PPP1R1C: variants seen among roughly 807,000 people sequenced by gnomAD.
The protein encoded by PPP1R1C is protein phosphatase 1 regulatory inhibitor subunit 1C.
PPP1R1C carries 15 observed loss-of-function variants against 17.4 expected under a neutral mutation model. That is an observed-to-expected ratio of 0.86 (90% CI 0.58 to 1.33). PPP1R1C has a LOEUF of 1.33. Among genes scored for constraint, PPP1R1C ranks in the 40% most tolerant of loss-of-function variants. The probability of loss-of-function intolerance (pLI) is 0.00; values close to 1 mark genes in which losing one functional copy is unlikely to be tolerated. For missense variants in PPP1R1C, 143 were observed against 130.0 expected, an observed-to-expected ratio of 1.10 and a Z score of -0.48; for synonymous variants, 35 against 43.1, an observed-to-expected ratio of 0.81 and a Z score of 0.73.
chr2:182,104,807 G>A (rs1326751508), intron 4 of PPP1R1C, among the ~76,000 whole-genome samples: 1 of 152,180 alleles, frequency 6.6e-6, no homozygotes. Flanking sequence ...CTCATCTTCA[G>A]TATTTTGGAA....
intron 2 of PPP1R1C, among the ~76,000 whole-genome samples, chr2:181,997,287 A>G (rs992582957): frequency 1.3e-5 from 2 of 151,970 alleles, no homozygotes; most frequent in African/African-American, 2.4e-5. Context: ...GCATGAACAC[A>G]CGTACACATG....
At chr2:182,121,556 C>T (rs555929252), downstream of PPP1R1C, among the ~76,000 whole-genome samples, 159 of 152,152 alleles carry the variant, frequency 1.0e-3, no homozygotes, top group Admixed American at 2.1e-3. Context: ...GGCACCATCT[C>T]GGCTTACTGA....
At chr2:181,990,210 C>T (rs924767064) in intron 2 of PPP1R1C, among the ~76,000 whole-genome samples, 1 of 151,944 alleles carries the variant, frequency 6.6e-6, no homozygotes, top group Admixed American at 6.6e-5. Context: ...GCGATCTCAG[C>T]TCACTGCAAG....
chr2:182,123,177 A>G (rs1689777201), intron 5 of PPP1R1C, among the ~76,000 whole-genome samples: 1 of 152,252 alleles, frequency 6.6e-6, no homozygotes, highest in Non-Finnish European at 1.5e-5. Context: ...TGCAAAGGAC[A>G]AGAACTCATT....
At chr2:182,049,107 C>A (rs1044555534) in intron 2 of PPP1R1C, among the ~76,000 whole-genome samples, 1 of 151,948 alleles carries the variant, frequency 6.6e-6, no homozygotes, top group Non-Finnish European at 1.5e-5. Flanking sequence ...CTGAGGCAGG[C>A]GGATCACCTG....
intron 2 of PPP1R1C, among the ~76,000 whole-genome samples, chr2:182,008,338 T>A (rs1685991065): frequency 6.6e-6 from 1 of 152,112 alleles, no homozygotes; most frequent in South Asian, 2.1e-4. Context: ...TTTATTATCA[T>A]TCTTGATGGC....
chr2:182,104,888 G>A (rs1452057246), intron 4 of PPP1R1C, among the ~76,000 whole-genome samples: 4 of 152,134 alleles, frequency 2.6e-5, no homozygotes, highest in African/African-American at 9.7e-5. Flanking sequence ...ATCATGTCCT[G>A]GGCTTTTCTT....
At chr2:182,070,801 G>C (rs1212906271) in intron 4 of PPP1R1C, among the ~76,000 whole-genome samples, 1 of 152,182 alleles carries the variant, frequency 6.6e-6, no homozygotes, top group African/African-American at 2.4e-5. Flanking sequence ...GCACCTGCTC[G>C]GCTTCTGGGG....
chr2:182,058,377 T>C (rs1374310421), intron 2 of PPP1R1C, among the ~76,000 whole-genome samples: 1 of 152,068 alleles, frequency 6.6e-6, no homozygotes. Context: ...TAAAGTCTCG[T>C]CTTCATAGCA....
At chr2:182,122,369 G>A (rs2125240956), downstream of PPP1R1C, among the ~76,000 whole-genome samples, 1 of 152,178 alleles carries the variant, frequency 6.6e-6, no homozygotes, top group East Asian at 1.9e-4. Context: ...ATTATAATGT[G>A]TATTAGAAGA....
chr2:181,972,125 A>G (rs552532582), intron 1 of PPP1R1C, among the ~76,000 whole-genome samples: 11 of 152,354 alleles, frequency 7.2e-5, no homozygotes, highest in Middle Eastern at 6.8e-3. Flanking sequence ...CAATTGGTAG[A>G]GACTTTTATT....
At chr2:181,980,886 G>A (rs114360433), upstream of PPP1R1C, among the ~76,000 whole-genome samples, 2,245 of 151,840 alleles carry the variant, frequency 0.015, 52 homozygotes, top group African/African-American at 0.051. Context: ...GTTAGAGTTA[G>A]TGAAGATGAG....
intron 4 of PPP1R1C, among the ~76,000 whole-genome samples, chr2:182,077,172 A>G (rs1688338590): frequency 6.6e-6 from 1 of 152,120 alleles, no homozygotes; most frequent in South Asian, 2.1e-4. Context: ...ACCTCAAAGA[A>G]TGGCAAAATA....
intron 2 of PPP1R1C, among the ~76,000 whole-genome samples, chr2:182,016,202 A>G (rs1254923003): frequency 6.6e-6 from 1 of 152,162 alleles, no homozygotes; most frequent in Admixed American, 6.5e-5. Context: ...CTCTCCCACA[A>G]GCACACAGAT....
chr2:182,019,582 A>G (rs1037345925), intron 2 of PPP1R1C, among the ~76,000 whole-genome samples: 5 of 152,228 alleles, frequency 3.3e-5, no homozygotes, highest in African/African-American at 1.2e-4. Context: ...TATTACAGAG[A>G]ATGGGTAAGT....
chr2:182,030,449 C>G (rs1308869661), intron 2 of PPP1R1C, among the ~76,000 whole-genome samples: 1 of 150,844 alleles, frequency 6.6e-6, no homozygotes, highest in Non-Finnish European at 1.5e-5. Flanking sequence ...CCCTCAGCTG[C>G]AGGTCTGTTG....
chr2:182,129,182 C>T (rs747954544), exon 6 of PPP1R1C: 3 of 152,046 alleles, frequency 2.0e-5, no homozygotes, highest in Non-Finnish European at 4.4e-5. Context: ...TCACTTATTG[C>T]TTTTTTCTAA....
At chr2:182,093,698 G>A (rs952304549) in intron 4 of PPP1R1C, among the ~76,000 whole-genome samples, 5 of 152,032 alleles carry the variant, frequency 3.3e-5, no homozygotes, top group Non-Finnish European at 7.4e-5. Flanking sequence ...ACAAATCTTT[G>A]GCAAAAGCAA....
At chr2:181,971,797 A>G (rs1174557014) in intron 1 of PPP1R1C, among the ~76,000 whole-genome samples, 2 of 152,158 alleles carry the variant, frequency 1.3e-5, no homozygotes, top group East Asian at 1.9e-4. Context: ...TGCTCCCTCT[A>G]TAGATGCCGG....
Sources: allele counts gnomAD v4.1 joint callset (sites outside exome capture counted in the v4.1 genomes callset), GRCh38; gene constraint gnomAD v4.1.1; transcripts MANE v1.5; gene names NCBI Gene and HGNC (gene_info 2026-07-23, HGNC 2026-07-21).